The following MINAR1 variants were observed in gnomAD, a reference collection of about 807,000 sequenced individuals.
The protein encoded by MINAR1 is major intrinsically disordered Notch2-binding receptor 1.
A neutral mutation model predicts 65.1 loss-of-function variants in MINAR1; 40 were observed. The ratio of observed to expected loss-of-function variants is 0.61; its 90% CI spans 0.48 to 0.80. The LOEUF (loss-of-function observed/expected upper bound fraction) is 0.80. MINAR1 is among the 30% of genes least tolerant of loss of function. MINAR1 has a pLI of 0.00. For missense variants in MINAR1, 1,128 were observed against 1,148.0 expected (o/e 0.98, Z 0.25); for synonymous variants, 482 against 449.1 (o/e 1.07, Z -0.93).
At chr15:79,426,555 C>T in the MINAR1 span, 1 of 152,276 alleles carries the variant, frequency 6.6e-6, no homozygotes, top group East Asian at 1.9e-4. Flanking sequence ...CCACAGCAGC[C>T]TCTGCTTGGA....
chr15:79,454,263 C>T (rs1567056370), intron 1 of MINAR1, among the ~76,000 whole-genome samples: 1 of 152,180 alleles, frequency 6.6e-6, no homozygotes, highest in Non-Finnish European at 1.5e-5. Flanking sequence ...CTCTGCATAT[C>T]CCTCCAGACA....
rs532148364 is a variant in MINAR1 at position 79,440,037 on chromosome 15, T to C, written c.-51+7497T>C. On this transcript the variant is annotated intron_variant, in intron 1 of 3. Coordinates refer to ENST00000305428, the MANE Select transcript of MINAR1 (RefSeq NM_015206.3). ...ACAATGTGAGAAATGCATGAGCCAATTGGAAATTATTTAAAGAACCATGGA... is the reference window on the plus strand; with the variant it reads ...ACAATGTGAGAAATGCATGAGCCAACTGGAAATTATTTAAAGAACCATGGA... 4.8e-4 allele frequency among the ~76,000 whole-genome samples: 73 copies of C among 152,220 alleles called. 1 individual carries two copies. Among genetic ancestry groups the C allele is most frequent in the African/African-American group, 1.7e-4 (7 of 41,518 alleles).
At position 79,456,585 on chromosome 15, in the gene MINAR1, C is replaced by T. The variant is rs140052348; in HGVS notation, c.438C>T (p.Phe146=). The change falls in exon 2 of 4, where the codon TTC becomes TTT. Residue 146 remains phenylalanine, a synonymous_variant. Coordinates refer to ENST00000305428, the MANE Select transcript of MINAR1 (RefSeq NM_015206.3). The part of the protein sequence containing the change: ...PLNCELSERS[F]SRGYPIRQSS... ...ACTGTGAGCTGAGTGAGAGGTCTTTCAGCCGGGGCTACCCCATCAGGCAGT... is the reference window on the plus strand; with the variant it reads ...ACTGTGAGCTGAGTGAGAGGTCTTTTAGCCGGGGCTACCCCATCAGGCAGT... 13 of 1,614,170 alleles carry T rather than the reference C, an allele frequency of 8.1e-6. No individual in the cohort carries two copies. The highest frequency in any genetic ancestry group is 1.1e-5 in the Non-Finnish European group (13 of 1,180,040).
At chr15:79,439,499 A>G (rs57588175) in intron 1 of MINAR1, among the ~76,000 whole-genome samples, 84,667 of 151,068 alleles carry the variant, frequency 0.56, 24,124 homozygotes, top group Admixed American at 0.65. Context: ...GCAGTCAGTC[A>G]GGGAATGTTC....
chr15:79,467,205 G>GTGTT lies in MINAR1; in HGVS notation c.2554-978_2554-975dup, dbSNP rs147343619. 7.6e-4 allele frequency among the ~76,000 whole-genome samples: 115 copies of GTGTT among 152,288 alleles called. 1 individual carries two copies. The East Asian group carries it at 0.02, about 27-fold the overall frequency. On this transcript the variant is annotated intron_variant, in intron 3 of 3. Transcript: ENST00000305428. ...TTTGAAAGGTTTGTTTTTTGAGCCT[G>GTGTT]TGTTTGTATATGTGTATGAATAATT...
rs1166115269 is a variant in MINAR1, at chr15:79,458,123, C to G, written c.1976C>G (p.Ala659Gly). The G allele has an allele frequency of 6.2e-7, 1 of 1,614,024 alleles. No individual in the cohort carries two copies. The highest frequency in any genetic ancestry group is 1.3e-5 in the African/African-American group (1 of 74,912). ...AGCGAGGGTCCGTCTGATGACAGTG[C>G]CTCTCCCCGGATGTTCCACGCACAC... ...LTSEGPSDDS[A>G]SPRMFHAHSG... is the part of the protein sequence containing the mutation. The change falls in exon 2 of 4, where the codon GCC becomes GGC. Residue 659 changes from alanine (A) to glycine (G), a missense_variant. Coordinates refer to ENST00000305428, the MANE Select transcript of MINAR1 (RefSeq NM_015206.3).
rs78727004 is a variant in MINAR1, at chr15:79,432,527, G to C, written c.-64G>C. On this transcript the variant is annotated 5_prime_UTR_variant, in exon 1 of 4. Transcript: ENST00000305428. ...GCAGAGAAGGGCGGGCCCTGCGCCC[G>C]GGGCGCCTCGGAGGTAAGTTCGGAG... 0.053 allele frequency: 8,117 copies of C among 152,568 alleles called. 242 individuals are homozygous for C. Among genetic ancestry groups the C allele is most frequent in the Middle Eastern group, 0.085 (25 of 294 alleles). 9.5% of individuals were successfully genotyped at this position (152,568 alleles called of 1,614,324 possible). A position where few individuals can be genotyped will look rare whatever the true frequency, so the allele number is the denominator to read the frequency against.
chr15:79,419,019 A>G, the MINAR1 span: 1 of 152,368 alleles, frequency 6.6e-6, no homozygotes, highest in Admixed American at 6.5e-5. Context: ...GAGTCAATTC[A>G]TCCAAACAAA....
In MINAR1 at chr15:79,471,201, T is replaced by G. The variant is rs552481334; in HGVS notation, c.*2817T>G. 65 of 152,330 alleles carry G rather than the reference T, an allele frequency of 4.3e-4. No individual in the cohort carries two copies. Among genetic ancestry groups the G allele is most frequent in the Middle Eastern group, 3.4e-3 (1 of 294 alleles). The allele number at this position is 152,330 out of a possible 1,614,324, so 9.4% of individuals were successfully genotyped here. On this transcript the variant is annotated 3_prime_UTR_variant, in exon 4 of 4. Coordinates refer to ENST00000305428, the MANE Select transcript of MINAR1 (RefSeq NM_015206.3). Reference sequence around the variant, plus strand: ...CATCTCCCACCATACTCTGGCATTTTTATGTAAAGGATAATTTCTTGTACC... The same window carrying G: ...CATCTCCCACCATACTCTGGCATTTGTATGTAAAGGATAATTTCTTGTACC...
At position 79,463,455 on chromosome 15, in the gene MINAR1, T is replaced by C. The variant is rs1282875006; in HGVS notation, c.2553+134T>C. The C allele has an allele frequency of 1.4e-5, 14 of 993,634 alleles. No individual in the cohort carries two copies. In the African/African-American group the frequency reaches 1.9e-4, roughly 14 times the overall value. The allele number at this position is 993,634 out of a possible 1,614,324, so 61.6% of individuals were successfully genotyped here. The stretch of plus-strand genomic sequence containing the variant: ...AACTCCCTGGGCCCCCAACATGGAA[T>C]TCAGAACTTTAATAAATCATAGAGC... On this transcript the variant is annotated intron_variant, in intron 3 of 3. Transcript: ENST00000305428.
At chr15:79,433,837 T>C (rs1343576541) in intron 1 of MINAR1, among the ~76,000 whole-genome samples, 1 of 152,198 alleles carries the variant, frequency 6.6e-6, no homozygotes, top group Non-Finnish European at 1.5e-5. Context: ...GTCTTTTGAA[T>C]TGACCCTCAT....
upstream of MINAR1, among the ~76,000 whole-genome samples, chr15:79,432,290 G>A (rs906963123): frequency 1.3e-5 from 2 of 152,062 alleles, no homozygotes; most frequent in African/African-American, 4.8e-5. Flanking sequence ...GGCCGGGACT[G>A]CAGCCAGGTG....
chr15:79,412,206 T>G, the MINAR1 span: 2 of 152,294 alleles, frequency 1.3e-5, no homozygotes, highest in African/African-American at 2.4e-5. Flanking sequence ...GCTGGGCCCA[T>G]GGCCATCCCC....
At chr15:79,436,890 A>G (rs547607214) in intron 1 of MINAR1, among the ~76,000 whole-genome samples, 11 of 152,224 alleles carry the variant, frequency 7.2e-5, no homozygotes, top group Non-Finnish European at 1.2e-4. Context: ...ACTGTCCCCA[A>G]CTTCAGTGTC....
rs1896064459 is a variant in MINAR1 at position 79,471,151 on chromosome 15, CT to C, written c.*2768del. On this transcript the variant is annotated 3_prime_UTR_variant, in exon 4 of 4. Coordinates refer to ENST00000305428, the MANE Select transcript of MINAR1 (RefSeq NM_015206.3). ...TGAGTTCCCGCAGGTGACATACGGA[CT>C]GGCCTCTCTACTGTACTGGGTGCCA... 1 of 152,194 alleles carries C rather than the reference CT, an allele frequency of 6.6e-6. No homozygotes were observed. The highest frequency in any genetic ancestry group is 2.4e-5 in the African/African-American group (1 of 41,432). 9.4% of individuals were successfully genotyped at this position (152,194 alleles called of 1,614,324 possible).
Position 79,457,333 on chromosome 15 carries a change from C to G in MINAR1, c.1186C>G (p.Pro396Ala). Residue 396 changes from proline to alanine, a missense_variant, in exon 2 of 4, where the codon CCA (proline) becomes GCA (alanine). Coordinates refer to ENST00000305428, the MANE Select transcript of MINAR1 (RefSeq NM_015206.3). ...RNPSEEKLHY[P>A]NASSQTPNFP... ...TCCCTCCGAGGAGAAGCTACACTAT[C>G]CAAATGCCAGTAGCCAGACCCCCAA... The G allele has an allele frequency of 6.2e-7, 1 of 1,614,182 alleles. No homozygotes were observed. Among genetic ancestry groups the G allele is most frequent in the African/African-American group, 1.3e-5 (1 of 75,026 alleles).
intron 2 of MINAR1, among the ~76,000 whole-genome samples, chr15:79,461,580 T>C (rs1895642114): frequency 1.3e-5 from 2 of 152,176 alleles, no homozygotes; most frequent in African/African-American, 4.8e-5. Context: ...AGTTAGAAAA[T>C]AAGAGGGAAC....
chr15:79,464,750 TCCTCACCCCCTTA>T (rs1250620500), intron 3 of MINAR1, among the ~76,000 whole-genome samples: 1 of 152,068 alleles, frequency 6.6e-6, no homozygotes, highest in Non-Finnish European at 1.5e-5. Context: ...CCTAAGCCCT[TCCTCACCCCCTTA>T]CCTCATGCAT....
rs558864582 is a variant in MINAR1, at chr15:79,452,446, G to A, written c.-50-3652G>A. Among the ~76,000 whole-genome samples the A allele has an allele frequency of 2.7e-5, 4 of 150,272 alleles. No individual in the cohort carries two copies. The East Asian group carries it at 7.8e-4, about 29-fold the overall frequency. On this transcript the variant is annotated intron_variant, in intron 1 of 3. Transcript: ENST00000305428. ...AGTGTGTGGGTGAGTCTGTGTGAGT[G>A]TGTGTGGGTGTGAGTCTGGGTGTGA...
Sources: gnomAD v4.1 joint callset for allele counts (sites outside exome capture counted in the v4.1 genomes callset) on GRCh38, gnomAD v4.1.1 for gene constraint, MANE v1.5 for transcripts, NCBI Gene and HGNC (gene_info 2026-07-23, HGNC 2026-07-21) for gene names.